DCC: variants seen among roughly 807,000 people sequenced by gnomAD.
The protein encoded by DCC is netrin receptor DCC.
DCC carries 58 observed loss-of-function variants against 172.5 expected under a neutral mutation model. That is an observed-to-expected ratio of 0.34 (90% CI 0.27 to 0.42). DCC has a LOEUF of 0.42. Ranked by LOEUF, DCC falls within the 10% of genes least tolerant of loss-of-function variation. The pLI, the probability that DCC is intolerant of heterozygous loss-of-function variation, is 1.00. For synonymous variants in DCC, 709 were observed against 644.5 expected (o/e 1.10, Z -1.52); for missense variants, 1,740 against 1,791.0 (o/e 0.97, Z 0.51).
intron 4 of DCC, 88 bp downstream of exon 4, chr18:52,923,945 T>A (rs928171406): frequency 2.1e-6 from 2 of 938,650 alleles, no homozygotes; most frequent in Admixed American, 1.8e-5. Context: ...TATAAGTACC[T>A]ACAGTACTAG....
At chr18:53,177,251 A>C (rs1422238875) in intron 8 of DCC, among the ~76,000 whole-genome samples, 1 of 152,090 alleles carries the variant, frequency 6.6e-6, no homozygotes, top group African/African-American at 2.4e-5. Flanking sequence ...TAGTGGGTGC[A>C]GTGCACCAGC....
intron 12 of DCC, among the ~76,000 whole-genome samples, chr18:53,284,985 T>C (rs1235372959): frequency 1.2e-4 from 18 of 152,156 alleles, no homozygotes; most frequent in Admixed American, 1.2e-3. Context: ...TTAGGGTATC[T>C]GGTGGAAGAA....
chr18:52,774,443 C>T (rs2037393647), intron 2 of DCC, among the ~76,000 whole-genome samples: 1 of 152,328 alleles, frequency 6.6e-6, no homozygotes, highest in African/African-American at 2.4e-5. Context: ...AATTCTATCG[C>T]TGTAGCTACA....
chr18:52,524,498 G>T (rs2031920589), intron 1 of DCC, among the ~76,000 whole-genome samples: 1 of 152,204 alleles, frequency 6.6e-6, no homozygotes, highest in Admixed American at 6.5e-5. Context: ...GAAGCACATT[G>T]TTATGTAAGT....
chr18:52,521,468 G>A (rs2031813062), intron 1 of DCC, among the ~76,000 whole-genome samples: 1 of 152,162 alleles, frequency 6.6e-6, no homozygotes, highest in Admixed American at 6.5e-5. Context: ...AGTTTTCAGT[G>A]AGGGCTTTGT....
At chr18:52,766,258 G>T (rs1323796890) in intron 2 of DCC, among the ~76,000 whole-genome samples, 3 of 152,240 alleles carry the variant, frequency 2.0e-5, no homozygotes, top group Non-Finnish European at 2.9e-5. Context: ...CCCCATGGCA[G>T]CATCCAGGTG....
intron 7 of DCC, among the ~76,000 whole-genome samples, chr18:53,155,827 G>C (rs1157881928): frequency 6.6e-6 from 1 of 152,160 alleles, no homozygotes; most frequent in African/African-American, 2.4e-5. Context: ...AGGAGATCAA[G>C]ACCAGCCTGG....
chr18:52,646,181 A>G (rs1289688458), intron 1 of DCC, among the ~76,000 whole-genome samples: 2 of 152,152 alleles, frequency 1.3e-5, no homozygotes, highest in South Asian at 2.1e-4. Flanking sequence ...CCCTGCATGC[A>G]TTGTTTTATC....
intron 1 of DCC, among the ~76,000 whole-genome samples, chr18:52,635,698 A>G (rs568698602): frequency 1.3e-5 from 2 of 152,294 alleles, no homozygotes; most frequent in African/African-American, 2.4e-5. Context: ...CTTTTCTTCA[A>G]TATTTCTACA....
chr18:52,702,497 T>A (rs1821261554), intron 1 of DCC, among the ~76,000 whole-genome samples: 1 of 152,202 alleles, frequency 6.6e-6, no homozygotes, highest in Non-Finnish European at 1.5e-5. Flanking sequence ...TATTTATGCC[T>A]TTTTCTTGAC....
At chr18:53,053,097 C>T (rs535728602) in intron 5 of DCC, among the ~76,000 whole-genome samples, 12 of 152,106 alleles carry the variant, frequency 7.9e-5, no homozygotes, top group African/African-American at 2.7e-4. Flanking sequence ...GAGCCGAGAT[C>T]GAACCACTGC....
At chr18:52,517,010 G>A (rs930418991) in intron 1 of DCC, among the ~76,000 whole-genome samples, 3 of 152,142 alleles carry the variant, frequency 2.0e-5, no homozygotes, top group African/African-American at 7.2e-5. Flanking sequence ...TAAGCTACCA[G>A]ATACTGCAGC....
At chr18:53,326,443 A>G (rs561044649) in intron 14 of DCC, among the ~76,000 whole-genome samples, 154 of 152,238 alleles carry the variant, frequency 1.0e-3, no homozygotes, top group African/African-American at 3.4e-3. Context: ...TACTTCCTCA[A>G]AGTGATTTTG....
At chr18:52,610,169 AAAAAAAAAAATATATATATATATAT>A (rs2034232749) in intron 1 of DCC, among the ~76,000 whole-genome samples, 4 of 27,254 alleles carry the variant, frequency 1.5e-4, no homozygotes, top group South Asian at 1.8e-3. Flanking sequence ...AAAAAAAAAA[AAAAAAAAAAATATATATATATATAT>A]ATATATATAT....
At chr18:52,839,334 G>A (rs918781695) in intron 2 of DCC, among the ~76,000 whole-genome samples, 1 of 152,134 alleles carries the variant, frequency 6.6e-6, no homozygotes, top group Non-Finnish European at 1.5e-5. Flanking sequence ...ACAATAAAAG[G>A]TTGCAGCTAC....
intron 2 of DCC, among the ~76,000 whole-genome samples, chr18:52,883,833 C>G (rs912917876): frequency 1.3e-5 from 2 of 151,748 alleles, no homozygotes; most frequent in African/African-American, 2.4e-5. Flanking sequence ...TGCTTATTAA[C>G]ATCTTTTTCT....
intron 12 of DCC, among the ~76,000 whole-genome samples, chr18:53,242,871 GGTGTGTGTGTGTGTGT>G (rs3059140): frequency 6.7e-6 from 1 of 148,434 alleles, no homozygotes; most frequent in African/African-American, 2.5e-5. Flanking sequence ...ATGACAAGTA[GGTGTGTGTGTGTGTGT>G]GTGTGTGTGT....
chr18:52,756,408 A>AC (rs769322724), intron 2 of DCC, among the ~76,000 whole-genome samples: 2 of 151,902 alleles, frequency 1.3e-5, no homozygotes, highest in Non-Finnish European at 2.9e-5. Context: ...CCTCCTCTCT[A>AC]CCTCTCCTTC....
chr18:52,418,734 G>A (rs951145171), intron 1 of DCC, among the ~76,000 whole-genome samples: 11 of 152,098 alleles, frequency 7.2e-5, no homozygotes, highest in South Asian at 2.1e-4. Flanking sequence ...AGCTGCTGGC[G>A]CATGTCATAA....
Sources: gnomAD v4.1 joint callset for allele counts (sites outside exome capture counted in the v4.1 genomes callset) on GRCh38, gnomAD v4.1.1 for gene constraint, MANE v1.5 for transcripts, NCBI Gene and HGNC (gene_info 2026-07-23, HGNC 2026-07-21) for gene names.